Variants in TPH2 observed in about 807,000 individuals in gnomAD.
TPH2 encodes tryptophan hydroxylase 2.
Under a neutral mutation model 59.1 loss-of-function variants are expected in TPH2, and 27 were observed. That is an observed-to-expected ratio of 0.46 (90% CI 0.34 to 0.63). TPH2 has a LOEUF of 0.63. Ranked by LOEUF, TPH2 falls within the 30% of genes least tolerant of loss-of-function variation. The pLI is 0.01. For missense variants in TPH2, 523 were observed against 588.3 expected, an observed-to-expected ratio of 0.89 and a Z score of 1.15; for synonymous variants, 220 against 210.5, an observed-to-expected ratio of 1.05 and a Z score of -0.39.
chr12:71,938,924 C>A lies in TPH2; in HGVS notation c.-63C>A. Reference sequence around the variant, plus strand: ...GCACGCCCCTTCCTCTCAATCTCCGCCAGCGCTGCTACTGCCCCTCTAGTA... The same window carrying A: ...GCACGCCCCTTCCTCTCAATCTCCGACAGCGCTGCTACTGCCCCTCTAGTA... On this transcript the variant is annotated 5_prime_UTR_variant, in exon 1 of 11. Coordinates refer to ENST00000333850, the MANE Select transcript of TPH2 (RefSeq NM_173353.4). 7.1e-7 allele frequency: 1 copy of A among 1,405,294 alleles called. No individual in the cohort carries two copies. Among genetic ancestry groups the A allele is most frequent in the Non-Finnish European group, 1.0e-6 (1 of 992,842 alleles). The allele number at this position is 1,405,294 out of a possible 1,614,324, so 87.1% of individuals were successfully genotyped here.
At position 71,944,402 on chromosome 12, in the gene TPH2, C is replaced by T; in HGVS notation, c.364C>T (p.Leu122Phe). 1 of 1,613,934 alleles carries T rather than the reference C, an allele frequency of 6.2e-7. No homozygotes were observed. The highest frequency in any genetic ancestry group is 1.1e-5 in the South Asian group (1 of 91,086). Residue 122 changes from leucine (L) to phenylalanine (F), a missense_variant, in exon 3 of 11, where the codon CTC (leucine) becomes TTC (phenylalanine). Leu to Phe is a conservative substitution (Grantham distance 22). Transcript: ENST00000333850. ...CECGKTEFNE[L>F]IQLLKFQTTI... Reference sequence around the variant, plus strand: ...GTGTGGGAAAACAGAATTCAATGAGCTCATTCAGTTGCTGAAATTTCAAAC... The same window carrying T: ...GTGTGGGAAAACAGAATTCAATGAGTTCATTCAGTTGCTGAAATTTCAAAC...
chr12:71,982,259 C>T (rs1301805131), intron 7 of TPH2, among the ~76,000 whole-genome samples: 2 of 151,732 alleles, frequency 1.3e-5, no homozygotes, highest in Non-Finnish European at 2.9e-5. Flanking sequence ...TCTGCCTCGA[C>T]CTCCTAAAGT....
chr12:71,969,054 C>A (rs1463033326), intron 5 of TPH2, among the ~76,000 whole-genome samples: 2 of 152,278 alleles, frequency 1.3e-5, no homozygotes, highest in East Asian at 1.9e-4. Flanking sequence ...GAGGCCGAGG[C>A]GGGCGGATCA....
At chr12:71,969,786 T>C (rs1351026153) in intron 5 of TPH2, among the ~76,000 whole-genome samples, 1 of 152,244 alleles carries the variant, frequency 6.6e-6, no homozygotes, top group African/African-American at 2.4e-5. Flanking sequence ...TGTATACTAA[T>C]CCATTAAGAT....
chr12:72,005,211 AGGGGGG>A (rs1872921902), intron 8 of TPH2, among the ~76,000 whole-genome samples: 1 of 152,026 alleles, frequency 6.6e-6, no homozygotes, highest in Non-Finnish European at 1.5e-5. Flanking sequence ...TCACCTTGTG[AGGGGGG>A]TGCTCATCAT....
intron 1 of TPH2, 52 bp downstream of exon 1, chr12:71,939,143 ATCT>A (rs41265611): frequency 0.083 from 112,128 of 1,354,670 alleles, 5,886 homozygotes; most frequent in African/African-American, 0.21. Context: ...GGGTGTGACC[ATCT>A]TCTCCTCACC....
intron 5 of TPH2, chr12:71,964,542 A>T: frequency 4.1e-6 from 4 of 984,976 alleles, no homozygotes; most frequent in Non-Finnish European, 4.8e-6. Flanking sequence ...GGCATAAGCC[A>T]TCTTCTTGAA....
intron 7 of TPH2, among the ~76,000 whole-genome samples, chr12:71,991,626 G>A (rs1383962741): frequency 2.0e-5 from 3 of 152,142 alleles, no homozygotes; most frequent in Non-Finnish European, 4.4e-5. Context: ...TAGGTTACTT[G>A]ATCTTAATTC....
chr12:71,979,062 T>C lies in TPH2; in HGVS notation c.916T>C (p.Ser306Pro). Residue 306 changes from serine to proline, a missense_variant, in exon 7 of 11, where the codon TCA (serine) becomes CCA (proline). By Grantham distance (74) the Ser-to-Pro change is moderately conservative (BLOSUM62 -1). Coordinates refer to ENST00000333850, the MANE Select transcript of TPH2 (RefSeq NM_173353.4). Reference sequence around the variant, plus strand: ...CTGTACCCAGTACATCCGGCATGGCTCAGATCCCCTCTACACCCCAGAACC... The same window carrying C: ...CTGTACCCAGTACATCCGGCATGGCCCAGATCCCCTCTACACCCCAGAACC... Reference protein sequence around the residue: ...FHCTQYIRHGSDPLYTPEPDT... With the variant: ...FHCTQYIRHGPDPLYTPEPDT... 6.2e-7 allele frequency: 1 copy of C among 1,614,116 alleles called. No homozygotes were observed. The highest frequency in any genetic ancestry group is 8.5e-7 in the Non-Finnish European group (1 of 1,180,012).
intron 8 of TPH2, among the ~76,000 whole-genome samples, chr12:72,018,987 G>A (rs1437504045): frequency 6.6e-6 from 1 of 152,138 alleles, no homozygotes; most frequent in Non-Finnish European, 1.5e-5. Flanking sequence ...GGTAAAATAG[G>A]AGAGCTGAAC....
At chr12:71,968,597 C>T (rs762166244) in intron 5 of TPH2, among the ~76,000 whole-genome samples, 8 of 152,198 alleles carry the variant, frequency 5.3e-5, no homozygotes, top group African/African-American at 1.9e-4. Flanking sequence ...AGTAAGGGTC[C>T]GGTTGGGAAA....
At chr12:72,019,402 T>C (rs1053602361) in intron 8 of TPH2, among the ~76,000 whole-genome samples, 5 of 152,202 alleles carry the variant, frequency 3.3e-5, no homozygotes, top group African/African-American at 1.2e-4. Flanking sequence ...TAAAAATCTA[T>C]TCCTGCCTCA....
chr12:71,989,922 A>C (rs1016185721), intron 7 of TPH2, among the ~76,000 whole-genome samples: 6 of 151,356 alleles, frequency 4.0e-5, no homozygotes, highest in African/African-American at 1.5e-4. Context: ...AGAGCAGCAA[A>C]AGTTTAGTGT....
At position 72,022,401 on chromosome 12, in the gene TPH2, C is replaced by T. The variant is rs1254987991; in HGVS notation, c.1071C>T (p.Cys357=). Residue 357 remains cysteine (C), a splice_region_variant and synonymous_variant, in exon 9 of 11, where the codon TGC becomes TGT. Coordinates refer to ENST00000333850, the MANE Select transcript of TPH2 (RefSeq NM_173353.4). ...SDEDVQKLAT[C]YFFTIEFGLC... is the part of the protein sequence containing the mutation. ...AATATGTGTTCGTTTTTCTTCAGTG[C>T]TATTTCTTCACAATCGAGTTTGGCC... 1 of 1,613,456 alleles carries T rather than the reference C, an allele frequency of 6.2e-7. No homozygotes were observed. The highest frequency in any genetic ancestry group is 2.2e-5 in the East Asian group (1 of 44,864).
chr12:71,987,677 C>T (rs1382202269), intron 7 of TPH2, among the ~76,000 whole-genome samples: 1 of 152,066 alleles, frequency 6.6e-6, no homozygotes, highest in Non-Finnish European at 1.5e-5. Flanking sequence ...TGATAAAAAC[C>T]CGTCTCTACT....
intron 8 of TPH2, among the ~76,000 whole-genome samples, chr12:72,016,056 G>A (rs1187136615): frequency 6.6e-6 from 1 of 152,184 alleles, no homozygotes; most frequent in Admixed American, 6.5e-5. Context: ...TGGGAAACTT[G>A]TGCATGATTC....
rs144348037 is a variant in TPH2, at chr12:71,996,664, A to ATG, written c.1068+2114_1068+2115dup. On this transcript the variant is annotated intron_variant, in intron 8 of 10. Transcript: ENST00000333850. ...TTAATGGCCAGGCTGTGTGGAGCTG[A>ATG]TGTGTGTGTGTGTGTGCATGTGTGC... Among the ~76,000 whole-genome samples the ATG allele has an allele frequency of 2.1e-4, 32 of 151,088 alleles. No individual in the cohort carries two copies. The South Asian group carries it at 3.3e-3, about 16-fold the overall frequency.
chr12:71,944,256 TC>T (rs1566111532), intron 2 of TPH2, 37 bp from the exon 3 acceptor site: 2 of 1,611,308 alleles, frequency 1.2e-6, no homozygotes, highest in African/African-American at 2.7e-5. Context: ...CCTTTTATTG[TC>T]CCTGAAGGTG....
At chr12:72,021,884 G>T (rs1487740123) in intron 8 of TPH2, among the ~76,000 whole-genome samples, 1 of 152,064 alleles carries the variant, frequency 6.6e-6, no homozygotes, top group Non-Finnish European at 1.5e-5. Context: ...TGCTTTCTTG[G>T]TTGCTCTCTT....
Sources: gnomAD v4.1 joint callset for allele counts (sites outside exome capture counted in the v4.1 genomes callset) on GRCh38, gnomAD v4.1.1 for gene constraint, MANE v1.5 for transcripts, NCBI Gene and HGNC (gene_info 2026-07-23, HGNC 2026-07-21) for gene names.